The following ATP7B variants were observed in gnomAD, a reference collection of about 807,000 sequenced individuals.
ATP7B encodes ATPase copper transporting beta, also known as copper-transporting ATPase 2.
In ATP7B, 113 loss-of-function variants were observed where a neutral mutation model predicts 118.9. The ratio of observed to expected loss-of-function variants is 0.95; its 90% CI spans 0.82 to 1.11. The LOEUF (loss-of-function observed/expected upper bound fraction) is 1.11. ATP7B is among the 50% of genes most tolerant of loss of function. The pLI, the probability that ATP7B is intolerant of heterozygous loss-of-function variation, is 0.00. For synonymous variants in ATP7B, 777 were observed against 727.4 expected (o/e 1.07, Z -1.10); for missense variants, 1,867 against 1,871.4 (o/e 1.00, Z 0.04).
Position 51,941,162 on chromosome 13 carries a change from A to G in ATP7B, c.3475T>C (p.Leu1159=). 1.9e-6 allele frequency: 3 copies of G among 1,614,134 alleles called. No individual in the cohort carries two copies. Among genetic ancestry groups the G allele is most frequent in the Non-Finnish European group, 2.5e-6 (3 of 1,180,012 alleles). ...TCACTGACATCGCTAGAAATGGTTA[A>G]ACCGTTGCGCCTCAGCCACTCACGG... The part of the protein sequence containing the change: ...GNREWLRRNG[L]TISSDVSDAM... The change falls in exon 16 of 21, where the codon TTA becomes CTA. Residue 1159 remains leucine, a synonymous_variant. Coordinates refer to ENST00000242839, the MANE Select transcript of ATP7B (RefSeq NM_000053.4).
At chr13:51,960,784 G>C (rs917360427) in intron 6 of ATP7B, among the ~76,000 whole-genome samples, 11 of 152,050 alleles carry the variant, frequency 7.2e-5, no homozygotes, top group Non-Finnish European at 1.6e-4. Context: ...ATTTAAAATA[G>C]AGTCCATGAG....
At chr13:51,958,777 C>T (rs1958529044) in intron 7 of ATP7B, 6 of 567,462 alleles carry the variant, frequency 1.1e-5, no homozygotes, top group Non-Finnish European at 1.9e-5. Context: ...GTGCTTACAA[C>T]ACAAATGTCC....
chr13:51,946,793 C>T (rs2139077398), intron 12 of ATP7B, among the ~76,000 whole-genome samples: 1 of 152,250 alleles, frequency 6.6e-6, no homozygotes, highest in Non-Finnish European at 1.5e-5. Flanking sequence ...TTTCCTCATA[C>T]ACAAAATGGA....
chr13:51,961,984 G>A (rs1185478758), intron 5 of ATP7B, 71 bp from the exon 6 acceptor site: 2 of 1,294,556 alleles, frequency 1.5e-6, no homozygotes, highest in African/African-American at 2.9e-5. Flanking sequence ...TTGGCAGAAA[G>A]CACTTTTCAG....
chr13:51,954,775 C>T (rs1255339339), intron 9 of ATP7B, among the ~76,000 whole-genome samples: 2 of 152,122 alleles, frequency 1.3e-5, no homozygotes, highest in East Asian at 1.9e-4. Flanking sequence ...TGAGCCTTTA[C>T]CAGTCAACCA....
rs1251075055 is a variant in ATP7B at position 51,933,345 on chromosome 13, C to A, written c.*1411G>T. 2.0e-5 allele frequency: 3 copies of A among 152,120 alleles called. No homozygotes were observed. Among genetic ancestry groups the A allele is most frequent in the Non-Finnish European group, 4.4e-5 (3 of 68,038 alleles). The allele number at this position is 152,120 out of a possible 1,614,324, so 9.4% of individuals were successfully genotyped here. Reference sequence around the variant, plus strand: ...GTAAAATGTGGACAGTAATAGCTACCCTGCTGGTTGGTTGGGAGGATTAGA... The same window carrying A: ...GTAAAATGTGGACAGTAATAGCTACACTGCTGGTTGGTTGGGAGGATTAGA... On this transcript the variant is annotated 3_prime_UTR_variant, in exon 21 of 21. Coordinates refer to ENST00000242839, the MANE Select transcript of ATP7B (RefSeq NM_000053.4).
intron 9 of ATP7B, among the ~76,000 whole-genome samples, chr13:51,953,589 G>GA (rs1020279164): frequency 2.6e-5 from 4 of 152,124 alleles, no homozygotes; most frequent in Non-Finnish European, 5.9e-5. Context: ...TCCTACTGGT[G>GA]AATCTCAATA....
chr13:51,959,747 T>C (rs1341652570), intron 7 of ATP7B: 5 of 257,642 alleles, frequency 1.9e-5, no homozygotes, highest in Non-Finnish European at 3.8e-5. Context: ...CCTTTTAAGA[T>C]AGAACACTCA....
At chr13:51,979,285 C>T (rs1254557625) in intron 1 of ATP7B, among the ~76,000 whole-genome samples, 2 of 152,272 alleles carry the variant, frequency 1.3e-5, no homozygotes, top group African/African-American at 4.8e-5. Context: ...GGTGCTAGGA[C>T]TACCTGTGTG....
intron 1 of ATP7B, among the ~76,000 whole-genome samples, chr13:51,983,179 TGCCAGCACAACA>T (rs1952502005): frequency 7.9e-5 from 12 of 152,290 alleles, no homozygotes; most frequent in Admixed American, 7.2e-4. Context: ...AAATTCTCAC[TGCCAGCACAACA>T]GTCTGAAATC....
chr13:51,953,458 C>A (rs2139347512), intron 9 of ATP7B, among the ~76,000 whole-genome samples: 1 of 152,310 alleles, frequency 6.6e-6, no homozygotes, highest in South Asian at 2.1e-4. Context: ...TCTAAGAAAT[C>A]TTTAGTAATG....
At chr13:51,981,071 T>C (rs984400618) in intron 1 of ATP7B, among the ~76,000 whole-genome samples, 1 of 152,194 alleles carries the variant, frequency 6.6e-6, no homozygotes, top group Non-Finnish European at 1.5e-5. Flanking sequence ...GGAGATATTA[T>C]CACCATTTCA....
chr13:51,948,249 C>T (rs904797065), intron 12 of ATP7B, among the ~76,000 whole-genome samples: 2 of 151,870 alleles, frequency 1.3e-5, no homozygotes, highest in African/African-American at 4.8e-5. Context: ...AAAAAATTAT[C>T]CATTCTGTAT....
rs373748155 is a variant in ATP7B, at chr13:51,937,516, G to C, written c.3863C>G (p.Thr1288Arg). The C allele has an allele frequency of 6.2e-7, 1 of 1,614,144 alleles. No individual in the cohort carries two copies. Among genetic ancestry groups the C allele is most frequent in the Non-Finnish European group, 8.5e-7 (1 of 1,180,032 alleles). ...GTCGGCTGCCTCGATGGCCACATCCGTGCCGGTGCCAATGGCCACACCCAT... is the reference window on the plus strand; with the variant it reads ...GTCGGCTGCCTCGATGGCCACATCCCTGCCGGTGCCAATGGCCACACCCAT... The part of the protein sequence containing the change: ...ADMGVAIGTG[T>R]DVAIEAADVV... The change falls in exon 18 of 21, where the codon ACG becomes AGG. Residue 1288 changes from threonine (T) to arginine (R), a missense_variant. Thr to Arg is a moderately conservative substitution (Grantham distance 71). Transcript: ENST00000242839.
At chr13:51,938,032 A>AC (rs1957075469) in intron 17 of ATP7B, among the ~76,000 whole-genome samples, 1 of 151,958 alleles carries the variant, frequency 6.6e-6, no homozygotes, top group Non-Finnish European at 1.5e-5. Context: ...CATCCAGTAG[A>AC]CCCCATGCAT....
Position 51,974,275 on chromosome 13 carries a change from G to C in ATP7B, c.945C>G (p.Ile315Met), listed in dbSNP as rs776855440. The change falls in exon 2 of 21, where the codon ATC becomes ATG. Residue 315 changes from isoleucine to methionine, a missense_variant. Physicochemically the swap from Ile to Met is conservative, Grantham distance 10. Coordinates refer to ENST00000242839, the MANE Select transcript of ATP7B (RefSeq NM_000053.4). ...TAAAATTCCCAGGTGGAAGTGCCTCGATAGCCCTCTGCAGAGCCACTGGGC... is the reference window on the plus strand; with the variant it reads ...TAAAATTCCCAGGTGGAAGTGCCTCCATAGCCCTCTGCAGAGCCACTGGGC... ...CTSPVALQRA[I>M]EALPPGNFKV... The C allele has an allele frequency of 5.6e-6, 9 of 1,614,012 alleles. No homozygotes were observed. Among genetic ancestry groups the C allele is most frequent in the African/African-American group, 5.3e-5 (4 of 74,904 alleles).
chr13:51,980,515 C>A (rs1337645571), intron 1 of ATP7B, among the ~76,000 whole-genome samples: 1 of 152,140 alleles, frequency 6.6e-6, no homozygotes, highest in Non-Finnish European at 1.5e-5. Context: ...TACTGATTCA[C>A]CAAGATGAAG....
chr13:51,960,307 G>T lies in ATP7B; in HGVS notation c.1962C>A (p.Phe654Leu). Residue 654 changes from phenylalanine to leucine, a missense_variant, in exon 7 of 21, where the codon TTC becomes TTA. Coordinates refer to ENST00000242839, the MANE Select transcript of ATP7B (RefSeq NM_000053.4). Reference sequence around the variant, plus strand: ...GGATGCCAAACACCAGGCTGCACAGGAAAGACTTCTTCCACCTGGAAAGCA... The same window carrying T: ...GGATGCCAAACACCAGGCTGCACAGTAAAGACTTCTTCCACCTGGAAAGCA... ...KMEIKQWKKS[F>L]LCSLVFGIPV... 6.2e-7 allele frequency: 1 copy of T among 1,613,478 alleles called. No individual in the cohort carries two copies. Among genetic ancestry groups the T allele is most frequent in the Non-Finnish European group, 8.5e-7 (1 of 1,179,830 alleles).
intron 1 of ATP7B, among the ~76,000 whole-genome samples, chr13:51,990,670 A>C (rs1411104390): frequency 6.6e-6 from 1 of 152,274 alleles, no homozygotes; most frequent in East Asian, 1.9e-4. Context: ...AATGCTGATG[A>C]TTCCATAATG....
Sources: allele counts gnomAD v4.1 joint callset (sites outside exome capture counted in the v4.1 genomes callset), GRCh38; gene constraint gnomAD v4.1.1; transcripts MANE v1.5; gene names NCBI Gene and HGNC (gene_info 2026-07-23, HGNC 2026-07-21).